The following XYLT1 variants were observed in gnomAD, a reference collection of about 807,000 sequenced individuals.
XYLT1 encodes the protein xylosyltransferase 1.
In XYLT1, 36 loss-of-function variants were observed where a neutral mutation model predicts 91.3. That is an observed-to-expected ratio of 0.39 (90% confidence interval 0.30 to 0.52). The LOEUF is 0.52. Among genes scored for constraint, XYLT1 ranks in the 20% least tolerant of loss-of-function variants. XYLT1 has a pLI of 0.68. For synonymous variants in XYLT1, 588 were observed against 532.0 expected (o/e 1.11, Z -1.45); for missense variants, 1,242 against 1,284.5 (o/e 0.97, Z 0.51).
intron 2 of XYLT1, among the ~76,000 whole-genome samples, chr16:17,331,783 C>T (rs1219282266): frequency 6.6e-6 from 1 of 152,224 alleles, no homozygotes; most frequent in Non-Finnish European, 1.5e-5. Context: ...TTCCCCACCA[C>T]ACTGTGGTAT....
intron 2 of XYLT1, among the ~76,000 whole-genome samples, chr16:17,306,350 A>T (rs1249526933): frequency 6.6e-6 from 1 of 152,210 alleles, no homozygotes; most frequent in East Asian, 1.9e-4. Context: ...CTGACTTTGA[A>T]GCCTTAAGGT....
chr16:17,262,062 C>T (rs556802429), intron 2 of XYLT1, among the ~76,000 whole-genome samples: 6 of 152,254 alleles, frequency 3.9e-5, no homozygotes, highest in South Asian at 4.1e-4. Context: ...GCCTCTCAGG[C>T]GCATTTTCTG....
chr16:17,416,570 TGCCAC>T (rs1214801023), intron 1 of XYLT1, among the ~76,000 whole-genome samples: 2 of 152,190 alleles, frequency 1.3e-5, no homozygotes, highest in Non-Finnish European at 2.9e-5. Context: ...GCTAGGAGGC[TGCCAC>T]GCACATCGGC....
intron 3 of XYLT1, among the ~76,000 whole-genome samples, chr16:17,205,396 A>G (rs2032624713): frequency 6.6e-6 from 1 of 152,246 alleles, no homozygotes; most frequent in South Asian, 2.1e-4. Context: ...GGGAGGAGAA[A>G]GCAAGGTGCA....
chr16:17,368,929 A>T (rs1280532079), intron 1 of XYLT1, among the ~76,000 whole-genome samples: 1 of 151,914 alleles, frequency 6.6e-6, no homozygotes, highest in Non-Finnish European at 1.5e-5. Context: ...TTCCTGGATT[A>T]TGAATACCCT....
chr16:17,301,199 T>C (rs891761581), intron 2 of XYLT1, among the ~76,000 whole-genome samples: 1 of 151,994 alleles, frequency 6.6e-6, no homozygotes, highest in Non-Finnish European at 1.5e-5. Context: ...TTAGTTGAGG[T>C]TGGGAGTTTG....
At chr16:17,209,805 C>T (rs1224158676) in intron 3 of XYLT1, among the ~76,000 whole-genome samples, 1 of 152,228 alleles carries the variant, frequency 6.6e-6, no homozygotes. Flanking sequence ...GGACCTCGCC[C>T]ATCACACTTG....
chr16:17,319,228 G>GA (rs1261115276), intron 2 of XYLT1, among the ~76,000 whole-genome samples: 2 of 151,924 alleles, frequency 1.3e-5, no homozygotes, highest in East Asian at 1.9e-4. Flanking sequence ...AGAAATACAT[G>GA]AAAAAAAATC....
intron 2 of XYLT1, among the ~76,000 whole-genome samples, chr16:17,288,873 C>A (rs1377031650): frequency 6.6e-6 from 1 of 152,062 alleles, no homozygotes; most frequent in Non-Finnish European, 1.5e-5. Context: ...TGAACAGTAA[C>A]AAATAAAAAT....
chr16:17,454,822 G>A (rs2036715200), intron 1 of XYLT1, among the ~76,000 whole-genome samples: 1 of 148,590 alleles, frequency 6.7e-6, no homozygotes, highest in Non-Finnish European at 1.5e-5. Flanking sequence ...TTACAGGCAT[G>A]AGCCACCATG....
In XYLT1 at chr16:17,274,637, G is replaced by C. The variant is rs546614867; in HGVS notation, c.403-15139C>G. The stretch of plus-strand genomic sequence containing the variant: ...TCATCAAGGGTGTGGAGCCTCACAT[G>C]GTCTGGGGTCCAAGGAGAATGGAGG... On this transcript the variant is annotated intron_variant, in intron 2 of 11. Transcript: ENST00000261381. Among the ~76,000 whole-genome samples the C allele has an allele frequency of 4.6e-5, 7 of 152,090 alleles. No homozygotes were observed. In the East Asian group the frequency reaches 1.4e-3, roughly 30 times the overall value.
At chr16:17,283,615 A>G (rs2034090638) in intron 2 of XYLT1, among the ~76,000 whole-genome samples, 1 of 152,244 alleles carries the variant, frequency 6.6e-6, no homozygotes, top group Admixed American at 6.5e-5. Context: ...TGCCTTTGAA[A>G]TGACAACAAT....
intron 3 of XYLT1, among the ~76,000 whole-genome samples, chr16:17,213,199 CT>C (rs1756618902): frequency 6.6e-6 from 1 of 152,166 alleles, no homozygotes; most frequent in Non-Finnish European, 1.5e-5. Flanking sequence ...GGCACCTCCC[CT>C]GTCTTGCTCT....
At chr16:17,181,759 T>C (rs1162211832) in intron 5 of XYLT1, among the ~76,000 whole-genome samples, 1 of 148,722 alleles carries the variant, frequency 6.7e-6, no homozygotes, top group African/African-American at 2.5e-5. Flanking sequence ...ATTGCACTTC[T>C]TTTTTTTTTA....
intron 1 of XYLT1, among the ~76,000 whole-genome samples, chr16:17,420,638 T>G (rs1482359416): frequency 6.6e-6 from 1 of 152,138 alleles, no homozygotes; most frequent in East Asian, 1.9e-4. Flanking sequence ...CTATTATTCT[T>G]TGTGAAGTTT....
chr16:17,261,495 C>A (rs2033721731), intron 2 of XYLT1, among the ~76,000 whole-genome samples: 2 of 152,174 alleles, frequency 1.3e-5, no homozygotes, highest in Admixed American at 1.3e-4. Context: ...ACAGACCCCA[C>A]ACTCTGGGCT....
intron 1 of XYLT1, among the ~76,000 whole-genome samples, chr16:17,400,216 G>A (rs1188708977): frequency 6.6e-6 from 1 of 152,216 alleles, no homozygotes; most frequent in Non-Finnish European, 1.5e-5. Flanking sequence ...GGGTGCAGCT[G>A]ACCCTGTGCC....
chr16:17,276,640 T>C (rs775751287), intron 2 of XYLT1, among the ~76,000 whole-genome samples: 11 of 152,198 alleles, frequency 7.2e-5, no homozygotes, highest in Non-Finnish European at 1.6e-4. Flanking sequence ...GTGTATCCAA[T>C]GTCCAGTTCT....
chr16:17,468,877 G>A (rs1271867622), intron 1 of XYLT1, among the ~76,000 whole-genome samples: 2 of 152,048 alleles, frequency 1.3e-5, no homozygotes, highest in African/African-American at 4.8e-5. Context: ...CCTGGGCTCT[G>A]GATGCACAAA....
Sources: allele counts gnomAD v4.1 joint callset (sites outside exome capture counted in the v4.1 genomes callset), GRCh38; gene constraint gnomAD v4.1.1; transcripts MANE v1.5; gene names NCBI Gene and HGNC (gene_info 2026-07-23, HGNC 2026-07-21).